The following PHF8 variants were observed in gnomAD, a reference collection of about 807,000 sequenced individuals.
The protein encoded by PHF8 is histone lysine demethylase PHF8.
A neutral mutation model predicts 74.4 loss-of-function variants in PHF8; 9 were observed. That is an observed-to-expected ratio of 0.12 (90% confidence interval 0.07 to 0.21). The LOEUF (loss-of-function observed/expected upper bound fraction) is 0.21, where lower values mean the gene tolerates loss of function less well. Ranked by LOEUF, PHF8 falls within the 10% of genes least tolerant of loss-of-function variation. The pLI, the probability that PHF8 is intolerant of heterozygous loss-of-function variation, is 1.00. For synonymous variants in PHF8, 311 were observed against 316.6 expected, an observed-to-expected ratio of 0.98 and a Z score of 0.19; for missense variants, 478 against 816.6, an observed-to-expected ratio of 0.59 and a Z score of 5.05.
At position 53,940,211 on chromosome X, in the gene PHF8, T is replaced by A; in HGVS notation, c.2955A>T (p.Ser985=). The A allele has an allele frequency of 8.4e-7, 1 of 1,187,402 alleles. No individual in the cohort carries two copies. The highest frequency in any genetic ancestry group is 1.1e-6 in the Non-Finnish European group (1 of 882,893). The change falls in exon 21 of 22, where the codon TCA becomes TCT. Residue 985 remains serine, a synonymous_variant. Transcript: ENST00000338154. The part of the protein sequence containing the change: ...PGVFLTQRRP[S]VGSQSNQAGQ... ...CTGCCTGATTGCTCTGGGAGCCAAC[T>A]GAAGGGCGCCGCTGGGTCAAGAAGA...
chrX:53,975,168 G>A (rs2065354171), intron 18 of PHF8, among the ~76,000 whole-genome samples: 1 of 112,182 alleles, frequency 8.9e-6, no homozygotes, highest in Admixed American at 9.5e-5. Flanking sequence ...CTCACCTCAA[G>A]TTAGAATGGC....
chrX:53,996,016 TA>T (rs1180419945), intron 11 of PHF8, among the ~76,000 whole-genome samples: 1 of 111,016 alleles, frequency 9.0e-6, no homozygotes, highest in African/African-American at 3.3e-5. Context: ...ATGTAAAACC[TA>T]AAACTATACA....
chrX:53,999,819 T>C (rs781985521), intron 11 of PHF8, 51 bp downstream of exon 11: 5 of 779,108 alleles, frequency 6.4e-6, no homozygotes, highest in Non-Finnish European at 9.8e-6. Context: ...CCAAATCCAG[T>C]CCCTACAAAG....
intron 4 of PHF8, among the ~76,000 whole-genome samples, chrX:54,020,296 CCACTAT>C (rs1324915081): frequency 3.0e-4 from 34 of 112,314 alleles, no homozygotes; most frequent in Non-Finnish European, 6.0e-4. Flanking sequence ...AATGGTATAG[CCACTAT>C]GGATGTAACT....
At chrX:54,019,096 A>T (rs2066121750) in intron 4 of PHF8, among the ~76,000 whole-genome samples, 1 of 112,339 alleles carries the variant, frequency 8.9e-6, no homozygotes, top group Admixed American at 9.5e-5. Context: ...AGTAATAGTA[A>T]CACAACAGAA....
rs781788124 is a variant in PHF8, at chrX:54,013,934, G to A, written c.783+443C>T. 9.2e-4 allele frequency among the ~76,000 whole-genome samples: 102 copies of A among 111,394 alleles called. No homozygotes were observed. In the Middle Eastern group the frequency reaches 0.019, roughly 21 times the overall value. On this transcript the variant is annotated intron_variant, in intron 7 of 21. Transcript: ENST00000338154. Reference sequence around the variant, plus strand: ...CAGGCATCTGCTATTATTCAAAAACGTTTGATTCGTCAAACATTTTTGAAT... The same window carrying A: ...CAGGCATCTGCTATTATTCAAAAACATTTGATTCGTCAAACATTTTTGAAT...
At chrX:53,945,399 G>A (rs1436011529) in intron 19 of PHF8, among the ~76,000 whole-genome samples, 6 of 106,953 alleles carry the variant, frequency 5.6e-5, no homozygotes, top group Non-Finnish European at 1.2e-4. Context: ...AGTCCCAGCT[G>A]CTCAGGAGGC....
chrX:53,987,242 T>C, intron 15 of PHF8, 79 bp from the exon 16 acceptor site: 1 of 635,497 alleles, frequency 1.6e-6, no homozygotes, highest in Non-Finnish European at 2.6e-6. Context: ...AAAATAAGAC[T>C]AATTTTCTTG....
rs782162225 is a variant in PHF8, at chrX:53,976,353, C to T, written c.2443+8561G>A. On this transcript the variant is annotated intron_variant, in intron 18 of 21. Transcript: ENST00000338154. The stretch of plus-strand genomic sequence containing the variant: ...AGAATAAAAATAGCAAAAAAAGAAA[C>T]GAAAAAGGTCTCAAATAAATAATCT... Among the ~76,000 whole-genome samples, 33 of 109,439 alleles carry T rather than the reference C, an allele frequency of 3.0e-4. No homozygotes were observed. The East Asian group carries it at 7.1e-3, about 23-fold the overall frequency.
intron 14 of PHF8, among the ~76,000 whole-genome samples, chrX:53,991,268 G>A (rs1395396562): frequency 1.8e-5 from 2 of 112,107 alleles, no homozygotes; most frequent in Non-Finnish European, 3.8e-5. Context: ...TTAAAGAAAA[G>A]TAAATACGTG....
At chrX:54,032,912 T>G (rs1557112968) in intron 2 of PHF8, among the ~76,000 whole-genome samples, 3 of 111,652 alleles carry the variant, frequency 2.7e-5, no homozygotes, top group African/African-American at 9.8e-5. Context: ...CACTGCTGGT[T>G]CTGGAACAAT....
At chrX:53,959,229 C>CA in intron 19 of PHF8, among the ~76,000 whole-genome samples, 2 of 111,436 alleles carry the variant, frequency 1.8e-5, no homozygotes, top group Non-Finnish European at 3.8e-5. Flanking sequence ...ACAGCATAAA[C>CA]AAAAAATTAT....
chrX:54,046,117 T>C (rs2066632186), upstream of PHF8, among the ~76,000 whole-genome samples: 1 of 110,657 alleles, frequency 9.0e-6, no homozygotes, highest in African/African-American at 3.3e-5. Context: ...CTCGGTTATT[T>C]TTTATTTTTT....
chrX:53,998,453 CATAA>C (rs1216651748), intron 11 of PHF8, among the ~76,000 whole-genome samples: 1 of 108,897 alleles, frequency 9.2e-6, no homozygotes, highest in African/African-American at 3.4e-5. Context: ...GGTTCTGTCT[CATAA>C]ATAAATAAAT....
chrX:53,980,768 T>G (rs1485625403), intron 18 of PHF8, among the ~76,000 whole-genome samples: 1 of 112,625 alleles, frequency 8.9e-6, no homozygotes, highest in Admixed American at 9.4e-5. Context: ...ATGCCAATTT[T>G]ACGAACCAAA....
At position 53,984,089 on chromosome X, in the gene PHF8, C is replaced by T. The variant is rs782777848; in HGVS notation, c.2443+825G>A. On this transcript the variant is annotated intron_variant, in intron 18 of 21. Transcript: ENST00000338154. The stretch of plus-strand genomic sequence containing the variant: ...GAAATATTAAAACAATGGCCGGGCG[C>T]GATGGCTCACGCCTATAATCCCAGC... Among the ~76,000 whole-genome samples, 21 of 112,469 alleles carry T rather than the reference C, an allele frequency of 1.9e-4. No individual in the cohort carries two copies. In the South Asian group the frequency reaches 2.6e-3, roughly 14 times the overall value.
Position 53,962,953 on chromosome X carries a change from G to A in PHF8, c.2444-14C>T, listed in dbSNP as rs781950502. On this transcript the variant is annotated splice_polypyrimidine_tract_variant and intron_variant, in intron 18 of 21. Transcript: ENST00000338154. The stretch of plus-strand genomic sequence containing the variant: ...GTGAAGGATAGACTGCAGGGAGAAG[G>A]GAAAACAGGGTAAAATGAGATTTCA... 9.8e-7 allele frequency: 1 copy of A among 1,015,968 alleles called. No individual in the cohort carries two copies. Among genetic ancestry groups the A allele is most frequent in the South Asian group, 1.9e-5 (1 of 52,956 alleles). The allele number at this position is 1,015,968 out of a possible 1,213,427, so 83.7% of individuals were successfully genotyped here.
intron 2 of PHF8, among the ~76,000 whole-genome samples, chrX:54,030,896 A>G (rs1434427374): frequency 5.4e-5 from 6 of 112,144 alleles, no homozygotes; most frequent in African/African-American, 1.9e-4. Context: ...AAATGGAAGT[A>G]CTAATAGTAC....
chrX:54,040,697 G>A (rs2066538568), intron 2 of PHF8, among the ~76,000 whole-genome samples: 1 of 111,618 alleles, frequency 9.0e-6, no homozygotes, highest in South Asian at 3.7e-4. Context: ...AAGAGAGGAG[G>A]AGTGGCAGGA....
Sources: gnomAD v4.1 joint callset for allele counts (sites outside exome capture counted in the v4.1 genomes callset) on GRCh38, gnomAD v4.1.1 for gene constraint, MANE v1.5 for transcripts, NCBI Gene and HGNC (gene_info 2026-07-23, HGNC 2026-07-21) for gene names.